RAD51B: variants seen among roughly 807,000 people sequenced by gnomAD.
RAD51B encodes RAD51 paralog B.
In RAD51B, 38 loss-of-function variants were observed where a neutral mutation model predicts 42.2. That is an observed-to-expected ratio of 0.90 (90% CI 0.70 to 1.18). The LOEUF is 1.18. Among genes scored for constraint, RAD51B ranks in the 50% most tolerant of loss-of-function variants. RAD51B has a pLI of 0.00. For synonymous variants in RAD51B, 154 were observed against 145.2 expected, an observed-to-expected ratio of 1.06 and a Z score of -0.43; for missense variants, 373 against 400.7, an observed-to-expected ratio of 0.93 and a Z score of 0.59.
intron 7 of RAD51B, among the ~76,000 whole-genome samples, chr14:67,955,528 A>C (rs570921143): frequency 1.3e-5 from 2 of 152,312 alleles, no homozygotes; most frequent in Admixed American, 1.3e-4. Context: ...TATATGAAAG[A>C]TATTTCTCTA....
chr14:68,519,991 T>G (rs993284622), intron 10 of RAD51B, among the ~76,000 whole-genome samples: 2 of 152,246 alleles, frequency 1.3e-5, no homozygotes, highest in Non-Finnish European at 2.9e-5. Context: ...TGCTTTCGCC[T>G]TGTTTTGCAC....
chr14:68,200,203 T>C (rs534722403), intron 7 of RAD51B, among the ~76,000 whole-genome samples: 6 of 152,120 alleles, frequency 3.9e-5, no homozygotes, highest in Non-Finnish European at 8.8e-5. Context: ...ATCATTTCTT[T>C]TGTGGCACCT....
chr14:68,442,769 C>G (rs951896615), intron 9 of RAD51B, among the ~76,000 whole-genome samples: 2 of 151,480 alleles, frequency 1.3e-5, no homozygotes, highest in Non-Finnish European at 2.9e-5. Context: ...TTCATTTATT[C>G]TTTATGCTAA....
chr14:67,885,451 A>G (rs1485299974), intron 5 of RAD51B, among the ~76,000 whole-genome samples: 2 of 152,264 alleles, frequency 1.3e-5, no homozygotes, highest in Non-Finnish European at 2.9e-5. Context: ...GGAATGAGAC[A>G]TGAAGACTTA....
chr14:68,564,953 C>T (rs939421843), intron 10 of RAD51B, among the ~76,000 whole-genome samples: 16 of 152,394 alleles, frequency 1.0e-4, no homozygotes, highest in Admixed American at 3.3e-4. Flanking sequence ...CAGGTTCCCA[C>T]TGGGTGAACA....
chr14:67,977,002 A>G (rs2075008579), intron 7 of RAD51B, among the ~76,000 whole-genome samples: 1 of 152,236 alleles, frequency 6.6e-6, no homozygotes, highest in East Asian at 1.9e-4. Flanking sequence ...AATGCAAATC[A>G]AAACCACAAT....
intron 7 of RAD51B, among the ~76,000 whole-genome samples, chr14:67,966,154 C>CCTA (rs140497938): frequency 0.017 from 2,621 of 152,280 alleles, 35 homozygotes; most frequent in Middle Eastern, 0.041. Context: ...CCCTTATCTA[C>CCTA]CTACTACTCC....
rs1392220563 is a variant in RAD51B at position 67,835,570 on chromosome 14, CAT to C, written c.315+377_315+378del. Among the ~76,000 whole-genome samples, 12 of 135,284 alleles carry C rather than the reference CAT, an allele frequency of 8.9e-5. 1 individual carries two copies. Among genetic ancestry groups the C allele is most frequent in the South Asian group, 4.5e-4 (2 of 4,472 alleles). The allele number at this position is 135,284 out of a possible 152,430, so 88.8% of individuals were successfully genotyped here. A position where few individuals can be genotyped will look rare whatever the true frequency, so the allele number is the denominator to read the frequency against. ...ACGTCACATATATGTAATATATACA[CAT>C]ATGTCATATATGTAATATGTATGCA... On this transcript the variant is annotated intron_variant, in intron 4 of 10. Coordinates refer to ENST00000471583, the MANE Select transcript of RAD51B (RefSeq NM_133510.4).
chr14:68,279,726 T>C (rs1014939577), intron 7 of RAD51B, among the ~76,000 whole-genome samples: 6 of 152,180 alleles, frequency 3.9e-5, no homozygotes, highest in Non-Finnish European at 8.8e-5. Flanking sequence ...ATCCGAAAAA[T>C]AAATACAAAT....
At chr14:68,315,967 T>C (rs1738170177) in intron 8 of RAD51B, among the ~76,000 whole-genome samples, 1 of 152,240 alleles carries the variant, frequency 6.6e-6, no homozygotes, top group African/African-American at 2.4e-5. Flanking sequence ...TTCGTAGTGT[T>C]GTAATAAATA....
intron 7 of RAD51B, among the ~76,000 whole-genome samples, chr14:67,992,474 A>G (rs2075311404): frequency 6.6e-6 from 1 of 152,206 alleles, no homozygotes; most frequent in Non-Finnish European, 1.5e-5. Context: ...GTGGTAATAG[A>G]AGAAATTTAT....
At chr14:68,650,042 C>A (rs1045164066) in intron 10 of RAD51B, among the ~76,000 whole-genome samples, 1 of 152,154 alleles carries the variant, frequency 6.6e-6, no homozygotes, top group Admixed American at 6.5e-5. Flanking sequence ...TCACTCCCCC[C>A]GCAGAGCCTA....
At chr14:68,428,114 G>A (rs1046392209) in intron 9 of RAD51B, among the ~76,000 whole-genome samples, 6 of 152,068 alleles carry the variant, frequency 3.9e-5, no homozygotes, top group Non-Finnish European at 8.8e-5. Context: ...TCTCAATCTT[G>A]GACTTTCCAG....
exon 11 of RAD51B, chr14:68,595,145 G>A (rs1041710565): frequency 6.6e-6 from 7 of 1,066,542 alleles, no homozygotes; most frequent in Middle Eastern, 4.1e-4. Flanking sequence ...GCGCTGGAAC[G>A]TTTATTCTCT....
chr14:68,587,725 T>C (rs969306450), intron 10 of RAD51B, among the ~76,000 whole-genome samples: 4 of 152,168 alleles, frequency 2.6e-5, no homozygotes, highest in African/African-American at 9.7e-5. Context: ...CAGCCTTTGC[T>C]ACCCAAGGCT....
Position 68,298,778 on chromosome 14 carries a change from G to T in RAD51B, c.853+6798G>T, listed in dbSNP as rs971262882. Among the ~76,000 whole-genome samples, 4 of 152,176 alleles carry T rather than the reference G, an allele frequency of 2.6e-5. No homozygotes were observed. The East Asian group carries it at 7.7e-4, about 29-fold the overall frequency. On this transcript the variant is annotated intron_variant, in intron 8 of 10. Transcript: ENST00000471583. The stretch of plus-strand genomic sequence containing the variant: ...AAGGACTCTCTGAGAAGAGATCCTT[G>T]TTTTCCATCACTGCAGAGAATGCTA...
intron 11 of RAD51B, among the ~76,000 whole-genome samples, chr14:68,673,939 AC>A (rs1207209303): frequency 6.6e-6 from 1 of 151,904 alleles, no homozygotes; most frequent in Non-Finnish European, 1.5e-5. Flanking sequence ...GCACACACAC[AC>A]ATACTGTACA....
intron 7 of RAD51B, among the ~76,000 whole-genome samples, chr14:68,121,456 T>C (rs1411899880): frequency 6.6e-6 from 1 of 152,164 alleles, no homozygotes; most frequent in Non-Finnish European, 1.5e-5. Flanking sequence ...CCCCATCTTC[T>C]AGTCAAGTGA....
chr14:68,003,956 C>T (rs1185751586), intron 7 of RAD51B, among the ~76,000 whole-genome samples: 1 of 152,096 alleles, frequency 6.6e-6, no homozygotes, highest in African/African-American at 2.4e-5. Flanking sequence ...TAAGATAAAT[C>T]ATATGGCTTT....
Sources: allele counts gnomAD v4.1 joint callset (sites outside exome capture counted in the v4.1 genomes callset), GRCh38; gene constraint gnomAD v4.1.1; transcripts MANE v1.5; gene names NCBI Gene and HGNC (gene_info 2026-07-23, HGNC 2026-07-21).